The following PCDHGA11 variants were observed in gnomAD, a reference collection of about 807,000 sequenced individuals.
The protein encoded by PCDHGA11 is protocadherin gamma-A11.
In PCDHGA11, 39 loss-of-function variants were observed where a neutral mutation model predicts 60.4. The ratio of observed to expected loss-of-function variants is 0.65; its 90% CI spans 0.50 to 0.84. The LOEUF (loss-of-function observed/expected upper bound fraction) is 0.84, where lower values mean the gene tolerates loss of function less well. Among genes scored for constraint, PCDHGA11 ranks in the 40% least tolerant of loss-of-function variants. PCDHGA11 has a pLI of 0.00. For synonymous variants in PCDHGA11, 533 were observed against 510.3 expected, an observed-to-expected ratio of 1.04 and a Z score of -0.60; for missense variants, 1,165 against 1,197.7, an observed-to-expected ratio of 0.97 and a Z score of 0.40.
intron 1 of PCDHGA11, chr5:141,430,634 C>A: frequency 1.1e-6 from 1 of 882,730 alleles, no homozygotes; most frequent in Non-Finnish European, 1.7e-6. Flanking sequence ...TGAACCATCC[C>A]TGGGAGTATG....
intron 1 of PCDHGA11, among the ~76,000 whole-genome samples, chr5:141,439,449 G>A (rs761506247): frequency 4.6e-5 from 7 of 152,184 alleles, no homozygotes; most frequent in Admixed American, 3.9e-4. Context: ...TATTGCGGGA[G>A]CAAGACTGCA....
rs1688094877 is a variant in PCDHGA11 at position 141,432,625 on chromosome 5, C to T, written c.2433+8965C>T. 1.2e-6 allele frequency: 2 copies of T among 1,613,240 alleles called. No individual in the cohort carries two copies. The highest frequency in any genetic ancestry group is 1.7e-6 in the Non-Finnish European group (2 of 1,179,778). ...CGGGACTCTTCTCGGTGGGTCTGCA[C>T]ACGGGCGAGGTGCGCACGGCGCGAG... On this transcript the variant is annotated intron_variant, in intron 1 of 3. Coordinates refer to ENST00000398587, the MANE Select transcript of PCDHGA11 (RefSeq NM_018914.3). The surrounding 1 kb of genome is among the most constrained non-coding windows in gnomAD (Gnocchi z 6.0).
chr5:141,460,924 A>ATATATG (rs1561985817), intron 1 of PCDHGA11, among the ~76,000 whole-genome samples: 1 of 150,496 alleles, frequency 6.6e-6, no homozygotes, highest in African/African-American at 2.4e-5. Flanking sequence ...ATATATATAT[A>ATATATG]TGTGTGTGTG....
rs2154591169 is a variant in PCDHGA11 at position 141,493,606 on chromosome 5, T to A, written c.2434-1201T>A. Among the ~76,000 whole-genome samples, 1 of 152,278 alleles carries A rather than the reference T, an allele frequency of 6.6e-6. No homozygotes were observed. Among genetic ancestry groups the A allele is most frequent in the Non-Finnish European group, 1.5e-5 (1 of 68,022 alleles). ...ACAATCACTGCATTTCCATGTAGAT[T>A]CTGCTGTGTCTAAGAATACAGTGGC... On this transcript the variant is annotated intron_variant, in intron 1 of 3. Transcript: ENST00000398587. This position sits in a 1 kb window ranked among gnomAD's most constrained non-coding sequence, Gnocchi z 4.3.
At chr5:141,472,010 C>T (rs1305786275) in intron 1 of PCDHGA11, among the ~76,000 whole-genome samples, 1 of 151,978 alleles carries the variant, frequency 6.6e-6, no homozygotes, top group Non-Finnish European at 1.5e-5. Flanking sequence ...CGTATAGGGG[C>T]ACTATATTGT....
At position 141,490,561 on chromosome 5, in the gene PCDHGA11, A is replaced by C. The variant is rs2099701634; in HGVS notation, c.2434-4246A>C. The stretch of plus-strand genomic sequence containing the variant: ...TTCCCTACACAAACATCTCACCATC[A>C]GGCTCAACATTTCAGATGTCAATGA... On this transcript the variant is annotated intron_variant, in intron 1 of 3. Transcript: ENST00000398587. The surrounding 1 kb of genome is among the most constrained non-coding windows in gnomAD (Gnocchi z 5.4). The C allele has an allele frequency of 1.2e-6, 2 of 1,614,090 alleles. No homozygotes were observed. The highest frequency in any genetic ancestry group is 1.7e-4 in the Middle Eastern group (1 of 6,060).
rs149649459 is a variant in PCDHGA11, at chr5:141,505,183, G to A, written c.2493-210G>A. ...TCTAAAACAAAAAGAAAAAAGCATC[G>A]GAGGCAGCAAAGAGCTGGTTTGAGG... On this transcript the variant is annotated intron_variant, in intron 2 of 3. Transcript: ENST00000398587. Among the ~76,000 whole-genome samples, 214 of 152,244 alleles carry A rather than the reference G, an allele frequency of 1.4e-3. 1 individual carries two copies. Among genetic ancestry groups the A allele is most frequent in the African/African-American group, 4.8e-3 (200 of 41,530 alleles).
chr5:141,471,036 C>A (rs1437409726), intron 1 of PCDHGA11, among the ~76,000 whole-genome samples: 1 of 144,908 alleles, frequency 6.9e-6, no homozygotes, highest in Admixed American at 7.0e-5. Context: ...TATTAACAAG[C>A]CCAAGCCCTC....
intron 1 of PCDHGA11, among the ~76,000 whole-genome samples, chr5:141,488,118 A>G (rs1054356891): frequency 2.7e-4 from 41 of 152,190 alleles, no homozygotes; most frequent in Non-Finnish European, 2.9e-5. Context: ...AAACATAGAG[A>G]CAGCAGAAAG....
intron 1 of PCDHGA11, among the ~76,000 whole-genome samples, chr5:141,462,903 T>A (rs1455334521): frequency 6.6e-6 from 1 of 152,208 alleles, no homozygotes; most frequent in Non-Finnish European, 1.5e-5. Context: ...GGAAGGCTAT[T>A]ATGTTTTTTG....
rs146860480 is a variant in PCDHGA11 at position 141,474,581 on chromosome 5, T to G, written c.2434-20226T>G. ...GGTTTTCAGAGATTAATTGAAGTGTTAAAGACATGGAAATATAGGTCACAT... is the reference window on the plus strand; with the variant it reads ...GGTTTTCAGAGATTAATTGAAGTGTGAAAGACATGGAAATATAGGTCACAT... On this transcript the variant is annotated intron_variant, in intron 1 of 3. Transcript: ENST00000398587. Among the ~76,000 whole-genome samples the G allele has an allele frequency of 7.1e-4, 108 of 152,358 alleles. No homozygotes were observed. The East Asian group carries it at 0.015, about 21-fold the overall frequency.
At chr5:141,467,495 C>T (rs1161557245) in intron 1 of PCDHGA11, among the ~76,000 whole-genome samples, 1 of 152,140 alleles carries the variant, frequency 6.6e-6, no homozygotes, top group Non-Finnish European at 1.5e-5. Context: ...ATTTAGATCC[C>T]TGATCTAATT....
At chr5:141,464,426 G>GAT (rs1287556960) in intron 1 of PCDHGA11, among the ~76,000 whole-genome samples, 1 of 151,096 alleles carries the variant, frequency 6.6e-6, no homozygotes, top group African/African-American at 2.4e-5. Flanking sequence ...TATATATATA[G>GAT]ATATATATGT....
In PCDHGA11 at chr5:141,485,701, A is replaced by G. The variant is rs747748476; in HGVS notation, c.2434-9106A>G. The G allele has an allele frequency of 1.9e-6, 3 of 1,614,104 alleles. No homozygotes were observed. Among genetic ancestry groups the G allele is most frequent in the Non-Finnish European group, 2.5e-6 (3 of 1,180,010 alleles). On this transcript the variant is annotated intron_variant, in intron 1 of 3. Transcript: ENST00000398587. The surrounding 1 kb of genome is among the most constrained non-coding windows in gnomAD (Gnocchi z 5.7). ...GCAGCTATAGGCTGAGCTCCAATGAACACTTTGCACTGGATGTGAAGAAGC... is the reference window on the plus strand; with the variant it reads ...GCAGCTATAGGCTGAGCTCCAATGAGCACTTTGCACTGGATGTGAAGAAGC...
At chr5:141,450,556 G>T (rs534127421) in intron 1 of PCDHGA11, among the ~76,000 whole-genome samples, 1 of 151,940 alleles carries the variant, frequency 6.6e-6, no homozygotes, top group African/African-American at 2.4e-5. Flanking sequence ...GCGCAGTCTC[G>T]GCTCACTGCA....
chr5:141,506,398 A>T (rs902405970), intron 3 of PCDHGA11, among the ~76,000 whole-genome samples: 6 of 151,394 alleles, frequency 4.0e-5, no homozygotes, highest in Admixed American at 2.6e-4. Context: ...GTGAGCAGAA[A>T]ATCGCACCAC....
intron 1 of PCDHGA11, among the ~76,000 whole-genome samples, chr5:141,472,561 T>C (rs1000220187): frequency 2.6e-5 from 4 of 151,632 alleles, no homozygotes; most frequent in African/African-American, 9.7e-5. Flanking sequence ...AATTATATTA[T>C]AAATGCTGCA....
intron 1 of PCDHGA11, among the ~76,000 whole-genome samples, chr5:141,465,888 C>T (rs1031908926): frequency 5.3e-5 from 8 of 151,942 alleles, no homozygotes; most frequent in South Asian, 2.1e-4. Context: ...TTTGGGAGGC[C>T]GAGGCGGGCA....
chr5:141,497,877 G>C (rs1057284578), intron 2 of PCDHGA11, among the ~76,000 whole-genome samples: 6 of 152,148 alleles, frequency 3.9e-5, no homozygotes, highest in Admixed American at 2.6e-4. Context: ...AGTGAAATAA[G>C]CGTTAGGATC....
Sources: gnomAD v4.1 joint callset for allele counts (sites outside exome capture counted in the v4.1 genomes callset) on GRCh38, gnomAD v4.1.1 for gene constraint, Gnocchi (gnomAD v3.1) non-coding constraint, MANE v1.5 for transcripts, NCBI Gene and HGNC (gene_info 2026-07-23, HGNC 2026-07-21) for gene names.